Variants in CORIN observed in about 807,000 individuals in gnomAD.
CORIN encodes the protein corin, serine peptidase.
Under a neutral mutation model 125.3 loss-of-function variants are expected in CORIN, and 117 were observed. The observed-to-expected ratio is 0.93, with a 90% confidence interval of 0.80 to 1.09. The LOEUF is 1.09. Among genes scored for constraint, CORIN ranks in the 50% least tolerant of loss-of-function variants. The pLI, the probability that CORIN is intolerant of heterozygous loss-of-function variation, is 0.00. For synonymous variants in CORIN, 450 were observed against 466.4 expected (o/e 0.96, Z 0.45); for missense variants, 1,253 against 1,306.7 (o/e 0.96, Z 0.63).
chr4:47,763,408 G>C lies in CORIN; in HGVS notation c.588C>G (p.Phe196Leu), dbSNP rs1367687004. The stretch of plus-strand genomic sequence containing the variant: ...CATCGCCATCAATGATGCACTCAGG[G>C]AAGGCGAGGGTACAGCCAAACAGCA... Reference protein sequence around the residue: ...HIMLFGCTLAFPECIIDGDDS... With the variant: ...HIMLFGCTLALPECIIDGDDS... Residue 196 changes from phenylalanine to leucine, a missense_variant, in exon 4 of 22, where the codon TTC (phenylalanine) becomes TTG (leucine). Coordinates refer to ENST00000273857, the MANE Select transcript of CORIN (RefSeq NM_006587.4). 4.3e-6 allele frequency: 7 copies of C among 1,613,906 alleles called. No homozygotes were observed. Among genetic ancestry groups the C allele is most frequent in the Non-Finnish European group, 5.9e-6 (7 of 1,179,964 alleles).
chr4:47,651,205 G>A (rs1182760754), intron 13 of CORIN, among the ~76,000 whole-genome samples: 1 of 152,212 alleles, frequency 6.6e-6, no homozygotes, highest in East Asian at 1.9e-4. Context: ...GAAATTCTGA[G>A]GGAGCTGCAG....
intron 20 of CORIN, among the ~76,000 whole-genome samples, chr4:47,601,342 G>C (rs1721442240): frequency 6.6e-6 from 1 of 150,558 alleles, no homozygotes; most frequent in Non-Finnish European, 1.5e-5. Context: ...TTTGAGACAG[G>C]GTCTCATTCT....
At chr4:47,792,072 T>C (rs1731106962) in intron 2 of CORIN, among the ~76,000 whole-genome samples, 2 of 152,174 alleles carry the variant, frequency 1.3e-5, no homozygotes, top group African/African-American at 4.8e-5. Context: ...ATCCTAAATG[T>C]GAATCTTAAA....
chr4:47,754,903 C>G (rs1729065798), intron 4 of CORIN, among the ~76,000 whole-genome samples: 1 of 152,278 alleles, frequency 6.6e-6, no homozygotes, highest in South Asian at 2.1e-4. Flanking sequence ...CCAAAACCTT[C>G]AAGTAGATTC....
chr4:47,742,833 T>C (rs1432343080), intron 5 of CORIN, among the ~76,000 whole-genome samples: 1 of 152,220 alleles, frequency 6.6e-6, no homozygotes, highest in African/African-American at 2.4e-5. Context: ...GGACATATAA[T>C]ATTCAATATA....
chr4:47,734,372 C>G (rs1728025160), intron 5 of CORIN, among the ~76,000 whole-genome samples: 1 of 152,132 alleles, frequency 6.6e-6, no homozygotes, highest in South Asian at 2.1e-4. Context: ...AACCTGACAC[C>G]CAACGCAAGT....
chr4:47,786,413 C>A (rs191763722), intron 3 of CORIN, among the ~76,000 whole-genome samples: 2 of 151,822 alleles, frequency 1.3e-5, no homozygotes, highest in African/African-American at 2.4e-5. Context: ...TGGTGGCGGG[C>A]GCCTGTAATC....
chr4:47,735,359 T>C (rs1728077527), intron 5 of CORIN, among the ~76,000 whole-genome samples: 2 of 152,186 alleles, frequency 1.3e-5, no homozygotes, highest in African/African-American at 4.8e-5. Context: ...AATTGTCAGA[T>C]GCATTTTTGG....
chr4:47,681,045 C>T (rs1057403775), intron 7 of CORIN: 2 of 152,202 alleles, frequency 1.3e-5, no homozygotes, highest in Non-Finnish European at 2.9e-5. Flanking sequence ...GATAAGTTCG[C>T]TCTCACAAAG....
chr4:47,621,616 TG>T (rs1423588766), intron 19 of CORIN, among the ~76,000 whole-genome samples: 1 of 152,212 alleles, frequency 6.6e-6, no homozygotes, highest in Non-Finnish European at 1.5e-5. Flanking sequence ...TTCGTCAGTT[TG>T]GGGTAGGTTT....
rs370142883 is a variant in CORIN, at chr4:47,666,056, C to T, written c.1358-793G>A. ...CATGGTTCTAGCTGCCAGGGCCATA[C>T]GGCACCTGCTGCCTGGATTAACCCT... On this transcript the variant is annotated intron_variant, in intron 10 of 21. Transcript: ENST00000273857. Among the ~76,000 whole-genome samples, 39 of 152,256 alleles carry T rather than the reference C, an allele frequency of 2.6e-4. No individual in the cohort carries two copies. In the East Asian group the frequency reaches 3.3e-3, roughly 13 times the overall value.
intron 5 of CORIN, among the ~76,000 whole-genome samples, chr4:47,703,064 A>T (rs1045866229): frequency 1.3e-5 from 2 of 152,158 alleles, no homozygotes; most frequent in Non-Finnish European, 2.9e-5. Flanking sequence ...TAGCATTTTT[A>T]AAAATCCACT....
At chr4:47,816,774 T>C (rs1732287448) in intron 1 of CORIN, among the ~76,000 whole-genome samples, 1 of 152,088 alleles carries the variant, frequency 6.6e-6, no homozygotes, top group Non-Finnish European at 1.5e-5. Flanking sequence ...CTCTCTCACA[T>C]ATTGCAGGAT....
chr4:47,598,441 G>A (rs761189983), intron 21 of CORIN, among the ~76,000 whole-genome samples: 65 of 152,144 alleles, frequency 4.3e-4, no homozygotes, highest in African/African-American at 1.3e-3. Flanking sequence ...TAAAGAAGTC[G>A]GCAAGACCTG....
chr4:47,723,693 T>C (rs987604724), intron 5 of CORIN, among the ~76,000 whole-genome samples: 8 of 152,060 alleles, frequency 5.3e-5, no homozygotes, highest in Non-Finnish European at 1.2e-4. Context: ...TTAAAATTAA[T>C]TAACATACAA....
intron 16 of CORIN, among the ~76,000 whole-genome samples, chr4:47,627,332 AC>A (rs200137437): frequency 0.047 from 7,128 of 152,262 alleles, 261 homozygotes; most frequent in Non-Finnish European, 0.07. Context: ...TAGAAAATGG[AC>A]AAAAACTTCC....
chr4:47,643,710 T>C (rs561560291), intron 14 of CORIN, among the ~76,000 whole-genome samples: 11 of 152,294 alleles, frequency 7.2e-5, no homozygotes, highest in Non-Finnish European at 1.6e-4. Flanking sequence ...AGTTCTCTTT[T>C]GGGTTTTAAA....
At chr4:47,702,373 C>T (rs1244908628) in intron 5 of CORIN, among the ~76,000 whole-genome samples, 1 of 152,070 alleles carries the variant, frequency 6.6e-6, no homozygotes, top group East Asian at 1.9e-4. Flanking sequence ...CTCTTGCATA[C>T]ATATGGTAGT....
chr4:47,792,166 G>C (rs1010735444), intron 2 of CORIN, among the ~76,000 whole-genome samples: 2 of 152,064 alleles, frequency 1.3e-5, no homozygotes, highest in African/African-American at 4.8e-5. Context: ...ACATTTTCTA[G>C]ATAAAGCCAA....
Sources: gnomAD v4.1 joint callset for allele counts (sites outside exome capture counted in the v4.1 genomes callset) on GRCh38, gnomAD v4.1.1 for gene constraint, MANE v1.5 for transcripts, NCBI Gene and HGNC (gene_info 2026-07-23, HGNC 2026-07-21) for gene names.